The following SGCZ variants were observed in gnomAD, a reference collection of about 807,000 sequenced individuals.
The protein encoded by SGCZ is zeta-sarcoglycan.
In SGCZ, 40 loss-of-function variants were observed where a neutral mutation model predicts 41.3. That is an observed-to-expected ratio of 0.97 (90% confidence interval 0.75 to 1.26). SGCZ has a LOEUF of 1.26. Among genes scored for constraint, SGCZ ranks in the 50% most tolerant of loss-of-function variants. The pLI is 0.00. For missense variants in SGCZ, 552 were observed against 369.8 expected (o/e 1.49, Z -4.04); for synonymous variants, 206 against 137.5 (o/e 1.50, Z -3.49).
intron 1 of SGCZ, among the ~76,000 whole-genome samples, chr8:15,186,729 C>G (rs1482724927): frequency 6.6e-6 from 1 of 152,150 alleles, no homozygotes; most frequent in Non-Finnish European, 1.5e-5. Context: ...AATTTGAAAA[C>G]TAGCTGATTT....
At chr8:14,383,569 CAT>C (rs1804450626) in intron 2 of SGCZ, among the ~76,000 whole-genome samples, 1 of 152,176 alleles carries the variant, frequency 6.6e-6, no homozygotes, top group South Asian at 2.1e-4. Flanking sequence ...CAAAAAAGAA[CAT>C]GTGAATTAAA....
chr8:14,418,420 G>C (rs1799554039), intron 2 of SGCZ, among the ~76,000 whole-genome samples: 1 of 151,908 alleles, frequency 6.6e-6, no homozygotes, highest in Non-Finnish European at 1.5e-5. Flanking sequence ...TAGTTTGTGA[G>C]AGAAACGGAC....
At chr8:14,779,247 T>C (rs959146900) in intron 1 of SGCZ, among the ~76,000 whole-genome samples, 1 of 152,180 alleles carries the variant, frequency 6.6e-6, no homozygotes, top group Non-Finnish European at 1.5e-5. Context: ...AAATTAAAAA[T>C]ATCACAACTT....
intron 1 of SGCZ, among the ~76,000 whole-genome samples, chr8:14,790,749 A>T (rs902348607): frequency 3.3e-5 from 5 of 152,124 alleles, no homozygotes; most frequent in African/African-American, 1.2e-4. Context: ...AATAGTATAC[A>T]GCCAGGAACG....
intron 1 of SGCZ, among the ~76,000 whole-genome samples, chr8:14,791,511 G>T (rs1291180023): frequency 1.3e-5 from 2 of 151,744 alleles, no homozygotes; most frequent in African/African-American, 4.8e-5. Flanking sequence ...CACATCCCCT[G>T]TAGTTATCTA....
At chr8:14,506,760 A>C (rs1802317711) in intron 2 of SGCZ, among the ~76,000 whole-genome samples, 1 of 152,136 alleles carries the variant, frequency 6.6e-6, no homozygotes, top group Admixed American at 6.5e-5. Context: ...TTTTTATTTA[A>C]ACCAACGACA....
chr8:14,097,740 T>G (rs1028307629), intron 7 of SGCZ, among the ~76,000 whole-genome samples: 1 of 152,206 alleles, frequency 6.6e-6, no homozygotes, highest in Non-Finnish European at 1.5e-5. Flanking sequence ...TTTGTAGGTC[T>G]CTAAGGACTT....
intron 1 of SGCZ, among the ~76,000 whole-genome samples, chr8:14,635,521 T>C (rs1237089517): frequency 6.6e-6 from 1 of 151,996 alleles, no homozygotes; most frequent in Non-Finnish European, 1.5e-5. Context: ...CATGGAGAAA[T>C]ACACTCTGAA....
intron 2 of SGCZ, among the ~76,000 whole-genome samples, chr8:14,500,143 G>C (rs1218890460): frequency 6.6e-6 from 1 of 152,056 alleles, no homozygotes. Flanking sequence ...GGGTAAAACT[G>C]CTTGAATTTC....
chr8:15,221,746 A>G (rs1256781008), intron 1 of SGCZ, among the ~76,000 whole-genome samples: 1 of 152,096 alleles, frequency 6.6e-6, no homozygotes, highest in Non-Finnish European at 1.5e-5. Context: ...ACTTTTTTTT[A>G]AACAAAATTT....
chr8:14,521,223 C>A (rs959869067), intron 2 of SGCZ, among the ~76,000 whole-genome samples: 1 of 152,136 alleles, frequency 6.6e-6, no homozygotes, highest in Non-Finnish European at 1.5e-5. Flanking sequence ...TGCACCCACT[C>A]CATGATCCCT....
At position 15,080,360 on chromosome 8, in the gene SGCZ, G is replaced by A. The variant is rs575251103; in HGVS notation, c.39+157225C>T. Among the ~76,000 whole-genome samples the A allele has an allele frequency of 2.6e-4, 39 of 152,102 alleles. 1 individual carries two copies. The highest frequency in any genetic ancestry group is 3.5e-4 in the Non-Finnish European group (24 of 67,998). On this transcript the variant is annotated intron_variant, in intron 1 of 7. Coordinates refer to ENST00000382080, the MANE Select transcript of SGCZ (RefSeq NM_139167.4). ...CTGACCTAACCTACATGCACTCAGC[G>A]TCAAAGGAAGTCCACGGAAGTTCCT...
At chr8:14,195,206 G>C (rs1367805120) in intron 4 of SGCZ, among the ~76,000 whole-genome samples, 1 of 152,034 alleles carries the variant, frequency 6.6e-6, no homozygotes, top group Non-Finnish European at 1.5e-5. Context: ...TATTATAACT[G>C]TCTGCTGTCT....
At chr8:14,428,448 T>A (rs1409463073) in intron 2 of SGCZ, among the ~76,000 whole-genome samples, 1 of 152,160 alleles carries the variant, frequency 6.6e-6, no homozygotes, top group Non-Finnish European at 1.5e-5. Flanking sequence ...ACGGTAATTA[T>A]ATTTTGTACC....
intron 3 of SGCZ, among the ~76,000 whole-genome samples, chr8:14,277,864 A>C (rs1029645747): frequency 6.6e-6 from 1 of 152,136 alleles, no homozygotes; most frequent in Non-Finnish European, 1.5e-5. Flanking sequence ...TAGGAATGTA[A>C]GCAAATAACC....
chr8:14,616,015 G>A (rs1209046050), intron 1 of SGCZ, among the ~76,000 whole-genome samples: 1 of 152,132 alleles, frequency 6.6e-6, no homozygotes, highest in Non-Finnish European at 1.5e-5. Context: ...TGGGCGCAGT[G>A]GCTCAGGCCT....
intron 1 of SGCZ, among the ~76,000 whole-genome samples, chr8:14,736,050 C>A (rs1799019394): frequency 6.6e-6 from 1 of 152,102 alleles, no homozygotes; most frequent in Non-Finnish European, 1.5e-5. Context: ...GATGTGATTT[C>A]TACTCTGCAT....
At chr8:14,209,015 G>A (rs941767037) in intron 4 of SGCZ, among the ~76,000 whole-genome samples, 3 of 152,198 alleles carry the variant, frequency 2.0e-5, no homozygotes, top group Admixed American at 1.3e-4. Flanking sequence ...TGGTAGCTGT[G>A]CCAATAGGAA....
chr8:14,309,634 C>G, intron 3 of SGCZ: 9 of 1,610,762 alleles, frequency 5.6e-6, no homozygotes, highest in Non-Finnish European at 6.8e-6. Context: ...GACACAGCTA[C>G]TAAGAGCGGC....
Sources: gnomAD v4.1 joint callset for allele counts (sites outside exome capture counted in the v4.1 genomes callset) on GRCh38, gnomAD v4.1.1 for gene constraint, MANE v1.5 for transcripts, NCBI Gene and HGNC (gene_info 2026-07-23, HGNC 2026-07-21) for gene names.